Variants in TTC3 observed in about 807,000 individuals in gnomAD.
TTC3 encodes tetratricopeptide repeat domain 3, also known as E3 ubiquitin-protein ligase TTC3.
A neutral mutation model predicts 249.6 loss-of-function variants in TTC3; 180 were observed. That is an observed-to-expected ratio of 0.72 (90% CI 0.64 to 0.82). TTC3 has a LOEUF of 0.82. Among genes scored for constraint, TTC3 ranks in the 40% least tolerant of loss-of-function variants. The pLI, the probability that TTC3 is intolerant of heterozygous loss-of-function variation, is 0.00. For synonymous variants in TTC3, 717 were observed against 805.0 expected, an observed-to-expected ratio of 0.89 and a Z score of 1.85; for missense variants, 2,061 against 2,398.4, an observed-to-expected ratio of 0.86 and a Z score of 2.94.
At chr21:37,102,737 C>T (rs950248107) in intron 10 of TTC3, among the ~76,000 whole-genome samples, 3 of 152,202 alleles carry the variant, frequency 2.0e-5, no homozygotes, top group Admixed American at 6.5e-5. Context: ...TGGCTCGTGC[C>T]TGTAATCCCA....
chr21:37,202,777 T>TA (rs1314337256), exon 46 of TTC3: 3 of 152,370 alleles, frequency 2.0e-5, no homozygotes, highest in East Asian at 1.9e-4. Context: ...ACTGGAAACT[T>TA]AGAGTCATGA....
Position 37,190,249 on chromosome 21 carries a change from C to T in TTC3, c.5025-1085C>T, listed in dbSNP as rs2083899311. On this transcript the variant is annotated intron_variant, in intron 39 of 45. Transcript: ENST00000355666. ...CTCCGCCTCCTGGGTTCAAGTGATT[C>T]TCCTGCTTCCCGAGTAGCTGGGATT... Among the ~76,000 whole-genome samples the T allele has an allele frequency of 2.2e-5, 3 of 136,434 alleles. No homozygotes were observed. In the South Asian group the frequency reaches 7.4e-4, roughly 34 times the overall value. The allele number at this position is 136,434 out of a possible 152,430, so 89.5% of individuals were successfully genotyped here.
intron 23 of TTC3, 40 bp downstream of exon 23, chr21:37,148,687 T>TA: frequency 1.5e-6 from 2 of 1,366,262 alleles, no homozygotes; most frequent in Non-Finnish European, 2.0e-6. Flanking sequence ...TCAGTATACT[T>TA]ATTGTATGTC....
intron 10 of TTC3, chr21:37,098,954 G>T (rs1416866162): frequency 6.6e-6 from 1 of 152,140 alleles, no homozygotes; most frequent in Non-Finnish European, 1.5e-5. Context: ...ACAGCTGGGG[G>T]TAAAGCATCC....
intron 4 of TTC3, 105 bp from the exon 5 acceptor site, chr21:37,088,694 A>G: frequency 9.4e-7 from 1 of 1,059,064 alleles, no homozygotes; most frequent in Non-Finnish European, 1.3e-6. Flanking sequence ...GTGAAGAAAA[A>G]GAGAACTTAT....
intron 26 of TTC3, 70 bp from the exon 27 acceptor site, chr21:37,152,881 G>A: frequency 8.1e-7 from 1 of 1,236,068 alleles, no homozygotes; most frequent in African/African-American, 1.5e-5. Context: ...ATGTAATTTT[G>A]TTATTTCTAA....
chr21:37,095,352 A>G (rs756880085), exon 9 of TTC3: 2 of 1,600,428 alleles, frequency 1.2e-6, no homozygotes, highest in East Asian at 2.2e-5. Context: ...TTTCTCAGGA[A>G]GGAGAACTAA....
chr21:37,084,726 G>C (rs1205983279), intron 1 of TTC3, among the ~76,000 whole-genome samples: 1 of 152,220 alleles, frequency 6.6e-6, no homozygotes, highest in Non-Finnish European at 1.5e-5. Context: ...CGGGTGCGGT[G>C]GCTCACGCCT....
At chr21:37,098,795 G>A (rs948989928) in intron 10 of TTC3, 4 of 152,162 alleles carry the variant, frequency 2.6e-5, no homozygotes, top group African/African-American at 9.7e-5. Context: ...GAAAGAACAC[G>A]TTGCCAGTAA....
At chr21:37,188,665 A>G in intron 39 of TTC3, 70 bp downstream of exon 39, 1 of 1,140,410 alleles carries the variant, frequency 8.8e-7, no homozygotes, top group Non-Finnish European at 1.3e-6. Flanking sequence ...TGAGAAAAAC[A>G]TTATTTTGTA....
chr21:37,113,048 A>G, intron 11 of TTC3, among the ~76,000 whole-genome samples: 1 of 152,242 alleles, frequency 6.6e-6, no homozygotes, highest in East Asian at 1.9e-4. Context: ...ATTTCAAAAT[A>G]ATAAGAGCTA....
At chr21:37,158,724 CAAT>C (rs1416600313) in intron 28 of TTC3, among the ~76,000 whole-genome samples, 1 of 152,100 alleles carries the variant, frequency 6.6e-6, no homozygotes, top group Non-Finnish European at 1.5e-5. Flanking sequence ...TTATCTCAGT[CAAT>C]AATATTGTAT....
Position 37,100,771 on chromosome 21 carries a change from G to C in TTC3, c.845+4128G>C, listed in dbSNP as rs147870356. The C allele has an allele frequency of 8.5e-3, 1,301 of 152,316 alleles. 9 individuals are homozygous for C. Among genetic ancestry groups the C allele is most frequent in the Middle Eastern group, 0.014 (4 of 294 alleles). The allele number at this position is 152,316 out of a possible 1,614,324, so 9.4% of individuals were successfully genotyped here. A position where few individuals can be genotyped will look rare whatever the true frequency, so the allele number is the denominator to read the frequency against. ...CACATTGAGGATTGTGTTTATCCCAGGACACCTGGCTTAGAAGATGAGATG... is the reference window on the plus strand; with the variant it reads ...CACATTGAGGATTGTGTTTATCCCACGACACCTGGCTTAGAAGATGAGATG... On this transcript the variant is annotated intron_variant, in intron 10 of 45. Coordinates refer to ENST00000355666, the Ensembl canonical transcript of TTC3.
intron 20 of TTC3, among the ~76,000 whole-genome samples, chr21:37,142,169 C>G (rs1418975706): frequency 6.6e-6 from 1 of 152,204 alleles, no homozygotes; most frequent in Non-Finnish European, 1.5e-5. Flanking sequence ...AAACTGGAAG[C>G]ATTTCCTTTG....
intron 1 of TTC3, among the ~76,000 whole-genome samples, chr21:37,079,593 G>A (rs1281106010): frequency 1.4e-5 from 2 of 138,908 alleles, no homozygotes; most frequent in Non-Finnish European, 3.0e-5. Context: ...GAGTAGTGCA[G>A]TGGTGCCATC....
intron 11 of TTC3, among the ~76,000 whole-genome samples, chr21:37,112,894 A>G (rs528055745): frequency 2.0e-5 from 3 of 152,234 alleles, no homozygotes; most frequent in Non-Finnish European, 2.9e-5. Flanking sequence ...AACATATGAA[A>G]ATCAATAAAT....
At chr21:37,138,946 T>C (rs2078194867) in intron 19 of TTC3, among the ~76,000 whole-genome samples, 1 of 152,198 alleles carries the variant, frequency 6.6e-6, no homozygotes, top group Non-Finnish European at 1.5e-5. Flanking sequence ...AATTAGTATG[T>C]AATGTATCAT....
intron 11 of TTC3, among the ~76,000 whole-genome samples, chr21:37,117,374 G>C (rs2076222131): frequency 1.3e-5 from 2 of 152,108 alleles, no homozygotes; most frequent in South Asian, 4.1e-4. Context: ...TTCTGTTTGA[G>C]GGTGACCAGT....
At position 37,075,185 on chromosome 21, in the gene TTC3, GCAT is replaced by G. The variant is rs574531273; in HGVS notation, c.-12+1825_-12+1827del. ...AACTTGCTTTTTTTTTTTTTGCTCA[GCAT>G]CATATTTTGAGGTTTATATATGAAC... On this transcript the variant is annotated intron_variant, in intron 1 of 45. Transcript: ENST00000355666. Among the ~76,000 whole-genome samples, 285 of 130,882 alleles carry G rather than the reference GCAT, an allele frequency of 2.2e-3. 1 individual carries two copies. The highest frequency in any genetic ancestry group is 7.7e-3 in the African/African-American group (274 of 35,516). 85.9% of individuals were successfully genotyped at this position (130,882 alleles called of 152,430 possible).
Sources: allele counts gnomAD v4.1 joint callset (sites outside exome capture counted in the v4.1 genomes callset), GRCh38; gene constraint gnomAD v4.1.1; transcripts MANE v1.5; gene names NCBI Gene and HGNC (gene_info 2026-07-23, HGNC 2026-07-21).